Variants in FNDC3B observed in about 807,000 individuals in gnomAD.
FNDC3B encodes fibronectin type III domain-containing protein 3B.
FNDC3B carries 12 observed loss-of-function variants against 151.5 expected under a neutral mutation model. The observed-to-expected ratio is 0.08, with a 90% CI of 0.05 to 0.13. The LOEUF (loss-of-function observed/expected upper bound fraction) is 0.13, where lower values mean the gene tolerates loss of function less well. Among genes scored for constraint, FNDC3B ranks in the 10% least tolerant of loss-of-function variants. The pLI is 1.00. For synonymous variants in FNDC3B, 528 were observed against 549.0 expected (o/e 0.96, Z 0.54); for missense variants, 1,214 against 1,505.3 (o/e 0.81, Z 3.20).
At chr3:172,353,892 G>A (rs536874714) in intron 22 of FNDC3B, among the ~76,000 whole-genome samples, 41 of 151,974 alleles carry the variant, frequency 2.7e-4, no homozygotes, top group South Asian at 4.1e-4. Context: ...TTATAAGATA[G>A]CTTTGAAGAT....
intron 25 of FNDC3B, among the ~76,000 whole-genome samples, chr3:172,382,255 C>T (rs1695919704): frequency 6.6e-6 from 1 of 152,166 alleles, no homozygotes. Flanking sequence ...TGTTTGTTGG[C>T]CACATAAATA....
intron 5 of FNDC3B, among the ~76,000 whole-genome samples, chr3:172,250,843 G>C (rs1728024955): frequency 1.3e-5 from 2 of 152,142 alleles, no homozygotes; most frequent in African/African-American, 4.8e-5. Context: ...TTGAGACAGA[G>C]TCTTGCTCTG....
intron 25 of FNDC3B, among the ~76,000 whole-genome samples, chr3:172,386,728 G>A (rs571036890): frequency 5.8e-4 from 81 of 138,828 alleles, no homozygotes; most frequent in African/African-American, 2.0e-3. Context: ...GGGACAGAGC[G>A]AGACTCTGTC....
intron 4 of FNDC3B, among the ~76,000 whole-genome samples, chr3:172,229,193 C>T (rs901910323): frequency 1.3e-5 from 2 of 151,934 alleles, no homozygotes; most frequent in African/African-American, 2.4e-5. Context: ...ATCTGTCCCT[C>T]TGCTAGTTAG....
chr3:172,364,599 C>G (rs1734520619), intron 23 of FNDC3B, among the ~76,000 whole-genome samples: 1 of 152,220 alleles, frequency 6.6e-6, no homozygotes, highest in South Asian at 2.1e-4. Context: ...GAGAACTATA[C>G]AAATGTGTAG....
intron 6 of FNDC3B, among the ~76,000 whole-genome samples, chr3:172,264,323 A>G (rs1728808690): frequency 6.6e-6 from 1 of 152,176 alleles, no homozygotes; most frequent in Non-Finnish European, 1.5e-5. Context: ...AAATAATGTC[A>G]AGGACAGCAG....
intron 4 of FNDC3B, chr3:172,237,341 C>T (rs1202370310): frequency 6.6e-6 from 1 of 152,284 alleles, no homozygotes; most frequent in Non-Finnish European, 1.5e-5. Flanking sequence ...GCAGTGTGTG[C>T]CTTACAGGCC....
intron 15 of FNDC3B, among the ~76,000 whole-genome samples, chr3:172,336,827 C>A (rs1021185046): frequency 1.3e-5 from 2 of 151,364 alleles, no homozygotes; most frequent in Non-Finnish European, 2.9e-5. Flanking sequence ...CGCTTGAACC[C>A]AGGAGGCAGA....
At chr3:172,043,007 C>T (rs1447489370) in intron 1 of FNDC3B, among the ~76,000 whole-genome samples, 1 of 151,956 alleles carries the variant, frequency 6.6e-6, no homozygotes, top group East Asian at 1.9e-4. Context: ...CTCCGCCTCC[C>T]GGATTCAAGC....
At chr3:172,056,817 A>G (rs1412894808) in intron 1 of FNDC3B, among the ~76,000 whole-genome samples, 10 of 152,218 alleles carry the variant, frequency 6.6e-5, no homozygotes, top group African/African-American at 2.4e-4. Flanking sequence ...ATTAGCCATC[A>G]GTTTTGTCTT....
intron 3 of FNDC3B, among the ~76,000 whole-genome samples, chr3:172,166,078 A>T (rs760287245): frequency 6.6e-6 from 1 of 152,156 alleles, no homozygotes; most frequent in Non-Finnish European, 1.5e-5. Context: ...CAATTTAGGA[A>T]ACATAGAATC....
chr3:172,326,346 C>T (rs914741034), intron 11 of FNDC3B, among the ~76,000 whole-genome samples: 4 of 152,108 alleles, frequency 2.6e-5, no homozygotes, highest in African/African-American at 9.7e-5. Context: ...AACTGAATTC[C>T]AGGGTTTTAA....
intron 7 of FNDC3B, among the ~76,000 whole-genome samples, chr3:172,292,343 C>T (rs1730385741): frequency 6.6e-6 from 1 of 152,238 alleles, no homozygotes; most frequent in Admixed American, 6.5e-5. Context: ...CCACAAACAC[C>T]TGCATTGCAT....
intron 23 of FNDC3B, among the ~76,000 whole-genome samples, chr3:172,374,219 C>T (rs891408423): frequency 1.3e-5 from 2 of 152,152 alleles, no homozygotes; most frequent in African/African-American, 2.4e-5. Context: ...TCTTACCATG[C>T]GGCTGACTTT....
intron 1 of FNDC3B, among the ~76,000 whole-genome samples, chr3:172,080,905 T>C (rs1718248462): frequency 6.6e-6 from 1 of 152,192 alleles, no homozygotes; most frequent in South Asian, 2.1e-4. Flanking sequence ...GTAACTTACT[T>C]AGGAATTCAT....
At chr3:172,092,854 G>A (rs565905715) in intron 1 of FNDC3B, among the ~76,000 whole-genome samples, 338 of 152,244 alleles carry the variant, frequency 2.2e-3, no homozygotes, top group African/African-American at 7.6e-3. Flanking sequence ...TGCCCAGGCC[G>A]GAGCGCAGTG....
intron 3 of FNDC3B, among the ~76,000 whole-genome samples, chr3:172,219,624 A>G (rs1576809148): frequency 6.6e-6 from 1 of 152,032 alleles, no homozygotes; most frequent in African/African-American, 2.4e-5. Flanking sequence ...CAAACCTTCC[A>G]CCCACCCTCC....
rs2108311283 is a variant in FNDC3B, at chr3:172,344,079, T to C, written c.2078-7T>C. 1.2e-6 allele frequency: 2 copies of C among 1,605,564 alleles called. No homozygotes were observed. The highest frequency in any genetic ancestry group is 2.2e-5 in the South Asian group (2 of 90,120). ...GTTCTAAGATGAAAAAAATTCTTCA[T>C]TCCCAGATGTTCCTGCATCGGAAAG... On this transcript the variant is annotated splice_polypyrimidine_tract_variant and splice_region_variant and intron_variant, in intron 18 of 25. Transcript: ENST00000415807.
At chr3:172,090,533 C>T (rs1718770584) in intron 1 of FNDC3B, among the ~76,000 whole-genome samples, 1 of 152,172 alleles carries the variant, frequency 6.6e-6, no homozygotes, top group Admixed American at 6.5e-5. Flanking sequence ...TTTCCTGCTT[C>T]TCCAGAGCAG....
Sources: gnomAD v4.1 joint callset for allele counts (sites outside exome capture counted in the v4.1 genomes callset) on GRCh38, gnomAD v4.1.1 for gene constraint, MANE v1.5 for transcripts, NCBI Gene and HGNC (gene_info 2026-07-23, HGNC 2026-07-21) for gene names.